MAN2A1: variants seen among roughly 807,000 people sequenced by gnomAD.
MAN2A1 encodes the protein alpha-mannosidase 2.
Under a neutral mutation model 142.6 loss-of-function variants are expected in MAN2A1, and 76 were observed. The ratio of observed to expected loss-of-function variants is 0.53; its 90% confidence interval spans 0.44 to 0.65. The LOEUF (loss-of-function observed/expected upper bound fraction) is 0.65. Among genes scored for constraint, MAN2A1 ranks in the 30% least tolerant of loss-of-function variants. MAN2A1 has a pLI of 0.00. For synonymous variants in MAN2A1, 559 were observed against 473.2 expected (o/e 1.18, Z -2.35); for missense variants, 1,311 against 1,365.1 (o/e 0.96, Z 0.62).
chr5:109,759,496 T>C (rs1752778071), intron 5 of MAN2A1, among the ~76,000 whole-genome samples: 1 of 152,180 alleles, frequency 6.6e-6, no homozygotes, highest in Admixed American at 6.5e-5. Context: ...TAATCCAGTT[T>C]CCTGTTGAAC....
chr5:109,758,990 C>T (rs895352460), intron 5 of MAN2A1, among the ~76,000 whole-genome samples: 2 of 151,956 alleles, frequency 1.3e-5, no homozygotes, highest in Non-Finnish European at 2.9e-5. Context: ...ATTACTATAG[C>T]TTGTATAAGC....
intron 16 of MAN2A1, among the ~76,000 whole-genome samples, chr5:109,829,049 A>C (rs910680334): frequency 6.6e-6 from 1 of 151,174 alleles, no homozygotes; most frequent in Non-Finnish European, 1.5e-5. Flanking sequence ...TAAAAGATAA[A>C]AATTAAAAAT....
intron 21 of MAN2A1, among the ~76,000 whole-genome samples, chr5:109,866,181 T>A (rs1755877768): frequency 1.3e-5 from 2 of 152,192 alleles, no homozygotes; most frequent in African/African-American, 4.8e-5. Context: ...ATTTGCACTC[T>A]ATTGTATTGT....
intron 1 of MAN2A1, among the ~76,000 whole-genome samples, chr5:109,693,869 GAA>G (rs149278164): frequency 3.9e-5 from 6 of 152,300 alleles, no homozygotes; most frequent in African/African-American, 1.4e-4. Flanking sequence ...TCTCAGCTAA[GAA>G]AATTAATAAA....
At chr5:109,705,228 G>A (rs1395447641) in intron 1 of MAN2A1, among the ~76,000 whole-genome samples, 1 of 151,922 alleles carries the variant, frequency 6.6e-6, no homozygotes, top group Non-Finnish European at 1.5e-5. Context: ...GCTTTTACCT[G>A]GCAAACTGCA....
intron 4 of MAN2A1, among the ~76,000 whole-genome samples, chr5:109,754,905 G>A (rs761085155): frequency 3.3e-5 from 5 of 150,676 alleles, no homozygotes; most frequent in African/African-American, 7.3e-5. Flanking sequence ...GGAGGCTGAG[G>A]CAGGAGAATC....
intron 13 of MAN2A1, among the ~76,000 whole-genome samples, chr5:109,818,117 A>G (rs1447892331): frequency 6.6e-6 from 1 of 152,108 alleles, no homozygotes; most frequent in African/African-American, 2.4e-5. Flanking sequence ...GCTTGACAGA[A>G]GCTATTGCTA....
intron 4 of MAN2A1, among the ~76,000 whole-genome samples, chr5:109,734,975 A>G (rs1279074872): frequency 6.6e-6 from 1 of 152,154 alleles, no homozygotes; most frequent in Non-Finnish European, 1.5e-5. Context: ...GTGGGGTGTT[A>G]AAGTCTCCCA....
At chr5:109,854,542 A>G (rs749404603) in intron 19 of MAN2A1, 1 of 152,202 alleles carries the variant, frequency 6.6e-6, no homozygotes, top group Non-Finnish European at 1.5e-5. Context: ...AAACAATCAG[A>G]TGATCTAGGC....
intron 20 of MAN2A1, among the ~76,000 whole-genome samples, 158 bp downstream of exon 20, chr5:109,855,492 G>A (rs1430681225): frequency 6.6e-6 from 1 of 152,140 alleles, no homozygotes; most frequent in Non-Finnish European, 1.5e-5. Flanking sequence ...CCTTTCATTT[G>A]ACTATTGCTG....
At chr5:109,694,078 T>C (rs1023294899) in intron 1 of MAN2A1, among the ~76,000 whole-genome samples, 28 of 152,326 alleles carry the variant, frequency 1.8e-4, no homozygotes, top group African/African-American at 6.5e-4. Flanking sequence ...TATTAATTAG[T>C]CTGATGTTTG....
At chr5:109,731,744 C>T (rs1190126535) in intron 4 of MAN2A1, among the ~76,000 whole-genome samples, 3 of 151,894 alleles carry the variant, frequency 2.0e-5, no homozygotes, top group African/African-American at 7.3e-5. Context: ...GCCACATTTT[C>T]TTAATGCAGT....
intron 1 of MAN2A1, among the ~76,000 whole-genome samples, chr5:109,708,539 CACACACAT>C (rs1371124668): frequency 2.6e-5 from 4 of 151,552 alleles, no homozygotes; most frequent in South Asian, 2.1e-4. Flanking sequence ...CACACACACA[CACACACAT>C]GAGAAGGGAG....
At chr5:109,754,868 G>A (rs1387213835) in intron 4 of MAN2A1, among the ~76,000 whole-genome samples, 1 of 152,244 alleles carries the variant, frequency 6.6e-6, no homozygotes, top group South Asian at 2.1e-4. Flanking sequence ...AGGCATGGTG[G>A]CGCATGCCTG....
At chr5:109,825,340 A>C (rs186492099) in intron 16 of MAN2A1, among the ~76,000 whole-genome samples, 54 of 152,342 alleles carry the variant, frequency 3.5e-4, no homozygotes, top group Non-Finnish European at 5.7e-4. Context: ...CTTTGGCACA[A>C]ACTTGTGTCA....
intron 1 of MAN2A1, among the ~76,000 whole-genome samples, chr5:109,696,679 G>GT (rs1241251923): frequency 2.0e-5 from 3 of 152,206 alleles, no homozygotes; most frequent in Non-Finnish European, 4.4e-5. Flanking sequence ...AACCAACAAT[G>GT]TCTCCAGACA....
At chr5:109,748,099 C>G (rs978049145) in intron 4 of MAN2A1, among the ~76,000 whole-genome samples, 2 of 151,988 alleles carry the variant, frequency 1.3e-5, no homozygotes, top group Non-Finnish European at 2.9e-5. Flanking sequence ...TATCTTTTGT[C>G]TTTAGTATAT....
At chr5:109,798,830 C>T (rs937859004) in intron 12 of MAN2A1, among the ~76,000 whole-genome samples, 6 of 152,046 alleles carry the variant, frequency 3.9e-5, no homozygotes, top group East Asian at 1.9e-4. Flanking sequence ...TACAGGCACC[C>T]GCCACCACAC....
chr5:109,732,738 C>G (rs181869569), intron 4 of MAN2A1, among the ~76,000 whole-genome samples: 72 of 152,230 alleles, frequency 4.7e-4, no homozygotes, highest in African/African-American at 1.7e-3. Flanking sequence ...GTTCTGGTAC[C>G]AGTCCCATGC....
Sources: allele counts gnomAD v4.1 joint callset (sites outside exome capture counted in the v4.1 genomes callset), GRCh38; gene constraint gnomAD v4.1.1; transcripts MANE v1.5; gene names NCBI Gene and HGNC (gene_info 2026-07-23, HGNC 2026-07-21).